The following BMAL1 variants were observed in gnomAD, a reference collection of about 807,000 sequenced individuals.
BMAL1 encodes basic helix-loop-helix ARNT-like protein 1.
chr11:13,311,458 A>G, the BMAL1 span, among the ~76,000 whole-genome samples: 121 of 152,338 alleles, frequency 7.9e-4, no homozygotes, highest in Non-Finnish European at 1.5e-3. Context: ...AGGTCTTTGC[A>G]GATGGCCTTG....
chr11:13,378,443 C>T, the BMAL1 span: 2 of 1,610,630 alleles, frequency 1.2e-6, no homozygotes, highest in East Asian at 2.2e-5. Flanking sequence ...TGGAAATCCA[C>T]AGGCAAGTAA....
At chr11:13,277,246 T>A in the BMAL1 span, among the ~76,000 whole-genome samples, 3 of 152,196 alleles carry the variant, frequency 2.0e-5, no homozygotes, top group African/African-American at 7.2e-5. Context: ...GAACTGCTGC[T>A]TTTCGTCGGA....
chr11:13,383,055 CA>C, the BMAL1 span, among the ~76,000 whole-genome samples: 1 of 152,188 alleles, frequency 6.6e-6, no homozygotes, highest in Non-Finnish European at 1.5e-5. Context: ...ATAAGAAAAG[CA>C]GCTTAAACAA....
chr11:13,386,619 G>C, the BMAL1 span: 1 of 1,614,056 alleles, frequency 6.2e-7, no homozygotes, highest in Non-Finnish European at 8.5e-7. Flanking sequence ...CATAGGTATA[G>C]ACATGATTGA....
the BMAL1 span, among the ~76,000 whole-genome samples, chr11:13,342,199 C>A: frequency 1.1e-3 from 163 of 152,276 alleles, no homozygotes; most frequent in Middle Eastern, 3.4e-3. Flanking sequence ...GGTTCTGGGA[C>A]AGAATGCATG....
the BMAL1 span, among the ~76,000 whole-genome samples, chr11:13,326,200 C>CT: frequency 9.5e-6 from 1 of 105,022 alleles, no homozygotes; most frequent in Non-Finnish European, 2.4e-5. Flanking sequence ...AAGACTCTGT[C>CT]TAAAAAAAAA....
At chr11:13,358,429 T>C in the BMAL1 span, 1 of 1,569,814 alleles carries the variant, frequency 6.4e-7, no homozygotes, top group Non-Finnish European at 8.6e-7. Context: ...CATATTGTTG[T>C]TCAGGGAAGC....
At chr11:13,327,908 A>G in the BMAL1 span, among the ~76,000 whole-genome samples, 1 of 4,028 alleles carries the variant, frequency 2.5e-4, no homozygotes, top group Non-Finnish European at 8.1e-4. Context: ...CTGGAAGGCT[A>G]TGTGCTCTTT....
the BMAL1 span, chr11:13,372,298 G>A: frequency 1.5e-5 from 24 of 1,614,170 alleles, no homozygotes; most frequent in Non-Finnish European, 2.0e-5. Context: ...GCAATTGGAC[G>A]ACTGCATTCT....
chr11:13,278,444 G>T, the BMAL1 span, among the ~76,000 whole-genome samples: 1 of 152,214 alleles, frequency 6.6e-6, no homozygotes, highest in African/African-American at 2.4e-5. Context: ...ACGGTGCCGC[G>T]TCTGCCCTTC....
the BMAL1 span, chr11:13,277,778 G>C: frequency 1.3e-5 from 2 of 152,570 alleles, no homozygotes; most frequent in African/African-American, 4.8e-5. Context: ...CGGATTGGTC[G>C]GAAAGTAGGT....
the BMAL1 span, among the ~76,000 whole-genome samples, chr11:13,295,000 A>G: frequency 6.6e-6 from 1 of 152,174 alleles, no homozygotes; most frequent in Non-Finnish European, 1.5e-5. Context: ...TGGCCTGAGC[A>G]GTGCTCCTGG....
At chr11:13,281,553 T>C in the BMAL1 span, among the ~76,000 whole-genome samples, 2 of 152,230 alleles carry the variant, frequency 1.3e-5, no homozygotes, top group African/African-American at 4.8e-5. Flanking sequence ...GGTCTCAGTC[T>C]TGCCTGGTTG....
chr11:13,316,562 T>C, the BMAL1 span, among the ~76,000 whole-genome samples: 6 of 152,120 alleles, frequency 3.9e-5, no homozygotes, highest in African/African-American at 7.2e-5. Context: ...CCAGACCTCA[T>C]TGAGATTGCA....
chr11:13,385,362 C>T, the BMAL1 span, among the ~76,000 whole-genome samples: 117,710 of 152,176 alleles, frequency 0.77, 46,293 homozygotes, highest in Middle Eastern at 0.88. Flanking sequence ...ATAGGGGAAA[C>T]GTCTAGCTGG....
At chr11:13,315,572 C>G in the BMAL1 span, among the ~76,000 whole-genome samples, 7 of 152,326 alleles carry the variant, frequency 4.6e-5, no homozygotes, top group East Asian at 9.6e-4. Context: ...GAGTTTATCC[C>G]AGATGCTGGA....
the BMAL1 span, among the ~76,000 whole-genome samples, chr11:13,304,726 G>C: frequency 2.3e-3 from 355 of 152,302 alleles, 2 homozygotes; most frequent in South Asian, 0.011. Flanking sequence ...AGGGGGGTGA[G>C]ATATGCCTAC....
chr11:13,334,412 G>A, the BMAL1 span, among the ~76,000 whole-genome samples: 71 of 152,284 alleles, frequency 4.7e-4, no homozygotes, highest in Middle Eastern at 3.4e-3. Context: ...CAGACTGCAG[G>A]GCAGAGGCAT....
chr11:13,327,359 C>A, the BMAL1 span, among the ~76,000 whole-genome samples: 1 of 152,212 alleles, frequency 6.6e-6, no homozygotes, highest in Non-Finnish European at 1.5e-5. Context: ...ATCGCAGATG[C>A]TGTTATCATC....
Sources: allele counts gnomAD v4.1 joint callset (sites outside exome capture counted in the v4.1 genomes callset), GRCh38; gene constraint gnomAD v4.1.1; transcripts MANE v1.5; gene names NCBI Gene and HGNC (gene_info 2026-07-23, HGNC 2026-07-21).